Variants in PYGL observed in about 807,000 individuals in gnomAD.
PYGL encodes glycogen phosphorylase, liver form.
PYGL carries 90 observed loss-of-function variants against 100.1 expected under a neutral mutation model. The ratio of observed to expected loss-of-function variants is 0.90; its 90% CI spans 0.76 to 1.07. PYGL has a LOEUF of 1.07. Among genes scored for constraint, PYGL ranks in the 50% least tolerant of loss-of-function variants. The probability of loss-of-function intolerance (pLI) is 0.00; values close to 1 mark genes in which losing one functional copy is unlikely to be tolerated. For synonymous variants in PYGL, 373 were observed against 393.0 expected (o/e 0.95, Z 0.60); for missense variants, 1,016 against 1,057.6 (o/e 0.96, Z 0.55).
intron 1 of PYGL, among the ~76,000 whole-genome samples, chr14:50,941,519 C>G (rs2050701707): frequency 6.6e-6 from 1 of 152,254 alleles, no homozygotes; most frequent in Admixed American, 6.5e-5. Context: ...AATTGGCAAA[C>G]AGTTGAACGG....
intron 1 of PYGL, 47 bp from the exon 2 acceptor site, chr14:50,937,884 T>G (rs1209814082): frequency 6.6e-7 from 1 of 1,503,870 alleles, no homozygotes; most frequent in Non-Finnish European, 9.2e-7. Flanking sequence ...GAGATCAACC[T>G]CACTTAACAT....
At chr14:50,934,593 T>A (rs2139193941) in intron 3 of PYGL, among the ~76,000 whole-genome samples, 1 of 152,250 alleles carries the variant, frequency 6.6e-6, no homozygotes, top group Admixed American at 6.5e-5. Flanking sequence ...TGTGTGTGTG[T>A]AAATATGTAG....
chr14:50,944,105 G>T, intron 1 of PYGL, 56 bp downstream of exon 1: 1 of 1,548,260 alleles, frequency 6.5e-7, no homozygotes, highest in Non-Finnish European at 8.7e-7. Flanking sequence ...GCCCGGCCGC[G>T]GCCGGAGACT....
At chr14:50,923,777 T>G (rs149338839) in intron 5 of PYGL, 192 bp downstream of exon 5, 9,034 of 553,008 alleles carry the variant, frequency 0.016, 89 homozygotes, top group Non-Finnish European at 0.019. Context: ...TCTCTTGGCC[T>G]CAGCTCCTTT....
Position 50,910,029 on chromosome 14 carries a change from C to T in PYGL, c.2043G>A (p.Lys681=), listed in dbSNP as rs764983967. 8 of 1,614,208 alleles carry T rather than the reference C, an allele frequency of 5.0e-6. No homozygotes were observed. The highest frequency in any genetic ancestry group is 4.4e-5 in the South Asian group (4 of 91,084). Residue 681 remains lysine (K), a synonymous_variant, in exon 17 of 20, where the codon AAG becomes AAA. Transcript: ENST00000216392. ...GTEASGTGNM[K]FMLNGALTIG... is the part of the protein sequence containing the mutation. ...TAGTTAGGGCCCCATTTAGCATGAA[C>T]TTCATATTGCCTGTCCCCGAGGCTT... is the stretch of plus-strand genomic sequence containing the variant.
At chr14:50,926,833 T>C (rs1294193147) in intron 4 of PYGL, among the ~76,000 whole-genome samples, 8 of 148,582 alleles carry the variant, frequency 5.4e-5, no homozygotes, top group Admixed American at 5.4e-4. Context: ...GATCAAAACA[T>C]CTTGACTTAC....
intron 16 of PYGL, 76 bp from the exon 17 acceptor site, chr14:50,910,178 G>C: frequency 6.8e-7 from 1 of 1,467,912 alleles, no homozygotes; most frequent in Non-Finnish European, 9.5e-7. Flanking sequence ...CATTTATTAA[G>C]TTGGGCTGTT....
In PYGL at chr14:50,921,397, TC is replaced by T. The variant is rs2050500616; in HGVS notation, c.661-331del. 3 of 238,270 alleles carry T rather than the reference TC, an allele frequency of 1.3e-5. No homozygotes were observed. The East Asian group carries it at 3.1e-4, about 25-fold the overall frequency. The allele number at this position is 238,270 out of a possible 1,614,324, so 14.8% of individuals were successfully genotyped here. ...TGGTATTTGTATTCAAAAAAGTTTA[TC>T]TTTTTTTTTTTTTGAGACGGAGTCT... On this transcript the variant is annotated intron_variant, in intron 5 of 19. Coordinates refer to ENST00000216392, the MANE Select transcript of PYGL (RefSeq NM_002863.5).
chr14:50,936,827 G>A (rs915157344), intron 2 of PYGL, among the ~76,000 whole-genome samples: 2 of 152,030 alleles, frequency 1.3e-5, no homozygotes, highest in Non-Finnish European at 2.9e-5. Flanking sequence ...TTTTGAGCAA[G>A]TAGACATGGA....
intron 2 of PYGL, among the ~76,000 whole-genome samples, chr14:50,936,191 T>A (rs2050651939): frequency 6.6e-6 from 1 of 152,236 alleles, no homozygotes; most frequent in Non-Finnish European, 1.5e-5. Flanking sequence ...GTGAAACAAC[T>A]GGGTTCTTAT....
At chr14:50,915,271 A>G (rs2050435641) in intron 11 of PYGL, 65 bp downstream of exon 11, 3 of 1,579,550 alleles carry the variant, frequency 1.9e-6, no homozygotes, top group East Asian at 2.2e-5. Flanking sequence ...GCAACCCTGC[A>G]TTTAGTAGCA....
At chr14:50,924,799 T>A (rs1239334918) in intron 4 of PYGL, among the ~76,000 whole-genome samples, 1 of 152,244 alleles carries the variant, frequency 6.6e-6, no homozygotes, top group Non-Finnish European at 1.5e-5. Flanking sequence ...TTTATGTCAA[T>A]TTATAACAAA....
At chr14:50,912,361 G>A in intron 13 of PYGL, 58 bp from the exon 14 acceptor site, 1 of 1,588,280 alleles carries the variant, frequency 6.3e-7, no homozygotes, top group South Asian at 1.1e-5. Context: ...TGGGTGGTCT[G>A]GTTTTTCTTT....
chr14:50,926,417 C>A (rs1335576683), intron 4 of PYGL, among the ~76,000 whole-genome samples: 3 of 151,662 alleles, frequency 2.0e-5, no homozygotes, highest in Non-Finnish European at 2.9e-5. Flanking sequence ...TGCCAGTTGT[C>A]AAGAAGCTTG....
chr14:50,914,826 AG>A lies in PYGL; in HGVS notation c.1404-12del. The A allele has an allele frequency of 6.3e-7, 1 of 1,594,086 alleles. No individual in the cohort carries two copies. The highest frequency in any genetic ancestry group is 2.2e-5 in the East Asian group (1 of 44,770). On this transcript the variant is annotated splice_polypyrimidine_tract_variant and intron_variant, in intron 11 of 19. Transcript: ENST00000216392. ...CTGAAGTCCTTGAATCTGGAGATGGAGGAGACACATCACTGAATTTGGCTGA... is the reference window on the plus strand; with the variant it reads ...CTGAAGTCCTTGAATCTGGAGATGGAGAGACACATCACTGAATTTGGCTGA...
Position 50,917,048 on chromosome 14 carries a change from A to C in PYGL, c.913T>G (p.Leu305Val), listed in dbSNP as rs539025958. 6.2e-7 allele frequency: 1 copy of C among 1,613,944 alleles called. No individual in the cohort carries two copies. Among genetic ancestry groups the C allele is most frequent in the African/African-American group, 1.3e-5 (1 of 75,044 alleles). ...TTGAAACGGCGGATGATATCTTGCA[A>C]GGTTGCAGCCACCACAAAGTATTCC... ...KQEYFVVAATLQDIIRRFKAS... is the reference protein window; with the variant it reads ...KQEYFVVAATVQDIIRRFKAS... Residue 305 changes from leucine to valine, a missense_variant, in exon 8 of 20, where the codon TTG (leucine) becomes GTG (valine). By Grantham distance (32) the Leu-to-Val change is conservative (BLOSUM62 1). Coordinates refer to ENST00000216392, the MANE Select transcript of PYGL (RefSeq NM_002863.5).
intron 5 of PYGL, chr14:50,923,735 G>T: frequency 6.2e-6 from 2 of 322,244 alleles, no homozygotes; most frequent in Non-Finnish European, 1.1e-5. Flanking sequence ...TGACAAAGCT[G>T]GTTGCAAAAT....
At chr14:50,931,837 C>T in intron 3 of PYGL, 61 bp from the exon 4 acceptor site, 1 of 1,416,088 alleles carries the variant, frequency 7.1e-7, no homozygotes, top group Non-Finnish European at 1.0e-6. Flanking sequence ...AATTTCCAGT[C>T]TTTCCCTAAA....
At chr14:50,914,540 A>G (rs1247328631) in intron 12 of PYGL, among the ~76,000 whole-genome samples, 161 bp downstream of exon 12, 1 of 151,592 alleles carries the variant, frequency 6.6e-6, no homozygotes, top group African/African-American at 2.4e-5. Flanking sequence ...CAAGATGACT[A>G]CAGCAGAGAA....
Sources: allele counts gnomAD v4.1 joint callset (sites outside exome capture counted in the v4.1 genomes callset), GRCh38; gene constraint gnomAD v4.1.1; transcripts MANE v1.5; gene names NCBI Gene and HGNC (gene_info 2026-07-23, HGNC 2026-07-21).